Variants in VAMP8 observed in about 807,000 individuals in gnomAD.
The protein encoded by VAMP8 is vesicle associated membrane protein 8.
Under a neutral mutation model 11.4 loss-of-function variants are expected in VAMP8, and 9 were observed. That is an observed-to-expected ratio of 0.79 (90% CI 0.48 to 1.38). The LOEUF is 1.38. Ranked by LOEUF, VAMP8 falls within the 40% of genes most tolerant of loss-of-function variation. The pLI, the probability that VAMP8 is intolerant of heterozygous loss-of-function variation, is 0.00. For synonymous variants in VAMP8, 42 were observed against 44.7 expected (o/e 0.94, Z 0.24); for missense variants, 108 against 127.8 (o/e 0.85, Z 0.75).
chr2:85,579,846 T>G (rs1421644128), intron 2 of VAMP8: 1 of 1,550,540 alleles, frequency 6.4e-7, no homozygotes. Context: ...TCTGGCTTTC[T>G]GAGTCCTGTG....
intron 1 of VAMP8, among the ~76,000 whole-genome samples, chr2:85,578,279 A>G (rs1003480606): frequency 2.0e-5 from 3 of 152,112 alleles, no homozygotes; most frequent in African/African-American, 7.2e-5. Context: ...CCTTGTCATG[A>G]AGCCTCCGAG....
chr2:85,579,537 CT>C lies in VAMP8; in HGVS notation c.162+371del, dbSNP rs956598204. Among the ~76,000 whole-genome samples, 13 of 152,330 alleles carry C rather than the reference CT, an allele frequency of 8.5e-5. No individual in the cohort carries two copies. In the East Asian group the frequency reaches 2.5e-3, roughly 29 times the overall value. The stretch of plus-strand genomic sequence containing the variant: ...CCTTCCCAGGGCAGAAATATTGGCT[CT>C]GAGGAAACCCCCGCTGTGGCCTCTA... On this transcript the variant is annotated intron_variant, in intron 2 of 2. Coordinates refer to ENST00000263864, the MANE Select transcript of VAMP8 (RefSeq NM_003761.5).
In VAMP8 at chr2:85,581,733, C is replaced by T. The variant is rs1558822669; in HGVS notation, c.*17C>T. Reference sequence around the variant, plus strand: ...TTCTCTTAAGTAACAGGGAACCTCTCCCACCTGCCCTTCTCTTCAGGGACA... The same window carrying T: ...TTCTCTTAAGTAACAGGGAACCTCTTCCACCTGCCCTTCTCTTCAGGGACA... On this transcript the variant is annotated 3_prime_UTR_variant, in exon 3 of 3. Transcript: ENST00000263864. 1 of 1,613,960 alleles carries T rather than the reference C, an allele frequency of 6.2e-7. No homozygotes were observed.
At chr2:85,581,496 G>T in intron 2 of VAMP8, 80 bp from the exon 3 acceptor site, 3 of 1,533,126 alleles carry the variant, frequency 2.0e-6, no homozygotes, top group Admixed American at 1.9e-5. Flanking sequence ...AGTATGGCCT[G>T]TGGGCTGCAC....
chr2:85,579,600 T>C, intron 2 of VAMP8: 1 of 1,368,030 alleles, frequency 7.3e-7, no homozygotes, highest in Non-Finnish European at 9.7e-7. Context: ...GGGTGGGAAA[T>C]TGCTGGCGTC....
intron 1 of VAMP8, among the ~76,000 whole-genome samples, chr2:85,578,146 G>A (rs1672312570): frequency 6.6e-6 from 1 of 152,144 alleles, no homozygotes; most frequent in African/African-American, 2.4e-5. Context: ...GAGAACTAAA[G>A]GTTTATAAGA....
At chr2:85,578,142 T>G (rs1672312536) in intron 1 of VAMP8, among the ~76,000 whole-genome samples, 1 of 152,194 alleles carries the variant, frequency 6.6e-6, no homozygotes, top group African/African-American at 2.4e-5. Flanking sequence ...AGAAGAGAAC[T>G]AAAGGTTTAT....
chr2:85,578,236 G>C (rs549046294), intron 1 of VAMP8, among the ~76,000 whole-genome samples: 9 of 152,290 alleles, frequency 5.9e-5, no homozygotes, highest in African/African-American at 2.2e-4. Flanking sequence ...GCGGGGAGGA[G>C]CTAAATACTA....
chr2:85,577,750 A>G, intron 1 of VAMP8, 101 bp downstream of exon 1: 1 of 1,509,672 alleles, frequency 6.6e-7, no homozygotes, highest in Non-Finnish European at 9.0e-7. Flanking sequence ...TTGGTGGCAA[A>G]GTTAGAGGGC....
At position 85,581,571 on chromosome 2, in the gene VAMP8, A is replaced by G; in HGVS notation, c.163-5A>G. 2 of 1,613,962 alleles carry G rather than the reference A, an allele frequency of 1.2e-6. No homozygotes were observed. Among genetic ancestry groups the G allele is most frequent in the Non-Finnish European group, 1.7e-6 (2 of 1,179,978 alleles). On this transcript the variant is annotated splice_polypyrimidine_tract_variant and splice_region_variant and intron_variant, in intron 2 of 2. Transcript: ENST00000263864. ...GGGTCACTCACTCTGCCTTTTCCCC[A>G]ACAGTCTGAGCACTTCAAGACGACA...
chr2:85,577,696 G>C (rs1465550064), intron 1 of VAMP8, 47 bp downstream of exon 1: 9 of 1,551,620 alleles, frequency 5.8e-6, no homozygotes, highest in Non-Finnish European at 7.0e-6. Context: ...AGAGGAGCCA[G>C]AGGGGGCTTG....
chr2:85,577,641 T>C lies in VAMP8; in HGVS notation c.-6T>C. ...ACTTACTGACCGGCCTGGGCTGCTC[T>C]GAGACATGGTGAGCCAACTGGGAAC... On this transcript the variant is annotated 5_prime_UTR_variant, in exon 1 of 3. Transcript: ENST00000263864. 1.3e-6 allele frequency: 2 copies of C among 1,551,306 alleles called. No individual in the cohort carries two copies. Among genetic ancestry groups the C allele is most frequent in the Non-Finnish European group, 1.7e-6 (2 of 1,147,238 alleles).
chr2:85,578,923 C>T (rs1222767153), intron 1 of VAMP8, 86 bp from the exon 2 acceptor site: 1 of 1,439,686 alleles, frequency 6.9e-7, no homozygotes, highest in East Asian at 2.5e-5. Context: ...TTAAGTCTGC[C>T]TGAGGCCTTA....
At chr2:85,578,160 C>A (rs1460434118) in intron 1 of VAMP8, among the ~76,000 whole-genome samples, 2 of 152,184 alleles carry the variant, frequency 1.3e-5, no homozygotes, top group African/African-American at 4.8e-5. Flanking sequence ...TATAAGAGAA[C>A]CAGAAGTTGG....
At chr2:85,581,348 T>G (rs761298772) in intron 2 of VAMP8, among the ~76,000 whole-genome samples, 8 of 151,874 alleles carry the variant, frequency 5.3e-5, no homozygotes, top group Non-Finnish European at 1.2e-4. Context: ...GGCGTGGTGG[T>G]GGGCACCTGT....
Position 85,579,076 on chromosome 2 carries a change from A to C in VAMP8, c.71A>C (p.Lys24Thr). Reference sequence around the variant, plus strand: ...CTGCAAAGTGAGGTGGAGGGAGTTAAGAATATTATGACCCAGAATGTGGAG... The same window carrying C: ...CTGCAAAGTGAGGTGGAGGGAGTTACGAATATTATGACCCAGAATGTGGAG... The part of the protein sequence containing the change: ...RNLQSEVEGV[K>T]NIMTQNVERI... Residue 24 changes from lysine to threonine, a missense_variant, in exon 2 of 3, where the codon AAG becomes ACG. Coordinates refer to ENST00000263864, the MANE Select transcript of VAMP8 (RefSeq NM_003761.5). 1 of 1,608,722 alleles carries C rather than the reference A, an allele frequency of 6.2e-7. No homozygotes were observed. The highest frequency in any genetic ancestry group is 8.5e-7 in the Non-Finnish European group (1 of 1,177,298).
At chr2:85,579,724 A>C in intron 2 of VAMP8, 1 of 1,550,574 alleles carries the variant, frequency 6.4e-7, no homozygotes, top group South Asian at 1.2e-5. Flanking sequence ...GCTAGACCTC[A>C]TTCTTCTCTC....
intron 1 of VAMP8, 63 bp from the exon 2 acceptor site, chr2:85,578,946 C>T: frequency 6.4e-7 from 1 of 1,556,068 alleles, no homozygotes. Flanking sequence ...CTCCCCAGAT[C>T]TCTGAGCCCA....
chr2:85,581,985 G>A lies in VAMP8; in HGVS notation c.*269G>A. The A allele has an allele frequency of 4.6e-6, 2 of 437,518 alleles. No individual in the cohort carries two copies. The highest frequency in any genetic ancestry group is 8.2e-6 in the Non-Finnish European group (2 of 244,856). 27.1% of individuals were successfully genotyped at this position (437,518 alleles called of 1,614,324 possible). A position where few individuals can be genotyped will look rare whatever the true frequency, so the allele number is the denominator to read the frequency against. ...CCTAGAGGGCCCAGCATGTGGCTGG[G>A]AAACTGTTGGTGGCCAGTGGGTAAT... is the stretch of plus-strand genomic sequence containing the variant. On this transcript the variant is annotated 3_prime_UTR_variant, in exon 3 of 3. Transcript: ENST00000263864.
Sources: allele counts gnomAD v4.1 joint callset (sites outside exome capture counted in the v4.1 genomes callset), GRCh38; gene constraint gnomAD v4.1.1; transcripts MANE v1.5; gene names NCBI Gene and HGNC (gene_info 2026-07-23, HGNC 2026-07-21).